The following MUC17 variants were observed in gnomAD, a reference collection of about 807,000 sequenced individuals.
MUC17 encodes the protein mucin 17, cell surface associated.
MUC17 carries 190 observed loss-of-function variants against 170.3 expected under a neutral mutation model. That is an observed-to-expected ratio of 1.12 (90% CI 0.99 to 1.26). The LOEUF (loss-of-function observed/expected upper bound fraction) is 1.26. Among genes scored for constraint, MUC17 ranks in the 50% most tolerant of loss-of-function variants. The pLI, the probability that MUC17 is intolerant of heterozygous loss-of-function variation, is 0.00. For synonymous variants in MUC17, 2,325 were observed against 2,002.5 expected, an observed-to-expected ratio of 1.16 and a Z score of -4.30; for missense variants, 6,415 against 5,530.0, an observed-to-expected ratio of 1.16 and a Z score of -5.08.
At position 101,058,761 on chromosome 7, in the gene MUC17, T is replaced by G. The variant is rs1238735119; in HGVS notation, c.*717T>G. ...GGTATATAAGATTGTGGGTATTTTT[T>G]AAGTTCTTATTGTTATGAGTTCTGA... On this transcript the variant is annotated 3_prime_UTR_variant, in exon 13 of 13. Coordinates refer to ENST00000306151, the MANE Select transcript of MUC17 (RefSeq NM_001040105.2). 1 of 152,196 alleles carries G rather than the reference T, an allele frequency of 6.6e-6. No individual in the cohort carries two copies. The highest frequency in any genetic ancestry group is 2.4e-5 in the African/African-American group (1 of 41,450). 9.4% of individuals were successfully genotyped at this position (152,196 alleles called of 1,614,324 possible).
chr7:101,051,786 C>A lies in MUC17; in HGVS notation c.12944-17C>A. ...CCTCTGATCACGGCTGTTCCCTGTCCCTGCACCCCCCACCAGAGGACTGCC... is the reference window on the plus strand; with the variant it reads ...CCTCTGATCACGGCTGTTCCCTGTCACTGCACCCCCCACCAGAGGACTGCC... On this transcript the variant is annotated splice_polypyrimidine_tract_variant and intron_variant, in intron 8 of 12. Coordinates refer to ENST00000306151, the MANE Select transcript of MUC17 (RefSeq NM_001040105.2). 1 of 1,611,440 alleles carries A rather than the reference C, an allele frequency of 6.2e-7. No individual in the cohort carries two copies. The highest frequency in any genetic ancestry group is 8.5e-7 in the Non-Finnish European group (1 of 1,178,124).
chr7:101,041,706 G>C lies in MUC17; in HGVS notation c.10290G>C (p.Val3430=). 6.2e-7 allele frequency: 1 copy of C among 1,609,120 alleles called. No homozygotes were observed. The highest frequency in any genetic ancestry group is 8.5e-7 in the Non-Finnish European group (1 of 1,178,654). Residue 3430 remains valine, a synonymous_variant, in exon 3 of 13, where the codon GTG becomes GTC. Transcript: ENST00000306151. Reference sequence around the variant, plus strand: ...CTCCTGTGGACTCCAACACTCTGGTGACCACTTCTACTGAAGCCAGTTCAT... The same window carrying C: ...CTCCTGTGGACTCCAACACTCTGGTCACCACTTCTACTGAAGCCAGTTCAT... ...STTPVDSNTL[V]TTSTEASSSP...
rs778086398 is a variant in MUC17, at chr7:101,042,378, A to C, written c.10962A>C (p.Thr3654=). Residue 3654 remains threonine (T), a synonymous_variant, in exon 3 of 13, where the codon ACA becomes ACC. Coordinates refer to ENST00000306151, the MANE Select transcript of MUC17 (RefSeq NM_001040105.2). ...TTSVTISEAG[T]ASTLPVDTST... is the part of the protein sequence containing the mutation. ...CGGTGACCATTTCTGAGGCTGGCAC[A>C]GCTTCAACACTTCCTGTTGACACCA... 1.2e-6 allele frequency: 2 copies of C among 1,613,400 alleles called. No homozygotes were observed. The highest frequency in any genetic ancestry group is 2.7e-5 in the African/African-American group (2 of 74,756).
Position 101,053,387 on chromosome 7 carries a change from TG to T in MUC17, c.13316del (p.Gly4439AspfsTer34), listed in dbSNP as rs756840018. 2.0e-5 allele frequency: 32 copies of T among 1,614,012 alleles called. No homozygotes were observed. The East Asian group carries it at 6.7e-4, about 34-fold the overall frequency. ...TATACAAGTGGCAAGAAGAGGACAG[TG>T]GACCAGCTCCTGGGACCTTCCAAAA... ...QLYKWQEEDS[G>X]PAPGTFQNIG... On this transcript the variant is annotated frameshift_variant, in exon 11 of 13. Transcript: ENST00000306151. LOFTEE classifies it high-confidence loss of function.
chr7:101,021,678 G>T (rs1794085057), intron 1 of MUC17, among the ~76,000 whole-genome samples: 2 of 152,054 alleles, frequency 1.3e-5, no homozygotes. Flanking sequence ...TGACTTCTCA[G>T]ACCCTGTTCC....
In MUC17 at chr7:101,043,399, G is replaced by T. The variant is rs373830565; in HGVS notation, c.11983G>T (p.Ala3995Ser). ...FSTTKEFTTP[A>S]MTTAAPLTYV... ...AACTACTAAGGAATTTACAACACCC[G>T]CAATGACTACTGCAGCTCCCCTCAC... The change falls in exon 3 of 13, where the codon GCA becomes TCA. Residue 3995 changes from alanine (A) to serine (S), a missense_variant. Coordinates refer to ENST00000306151, the MANE Select transcript of MUC17 (RefSeq NM_001040105.2). 3 of 1,613,888 alleles carry T rather than the reference G, an allele frequency of 1.9e-6. No homozygotes were observed. The highest frequency in any genetic ancestry group is 3.3e-5 in the Admixed American group (2 of 59,986).
chr7:101,031,429 G>A (rs1794276850), intron 2 of MUC17, among the ~76,000 whole-genome samples, 172 bp from the exon 3 acceptor site: 1 of 152,198 alleles, frequency 6.6e-6, no homozygotes, highest in Non-Finnish European at 1.5e-5. Context: ...CTGCATAGAA[G>A]GGAAGGCAGG....
Position 101,034,192 on chromosome 7 carries a change from T to C in MUC17, c.2776T>C (p.Leu926=), listed in dbSNP as rs750300750. Residue 926 remains leucine, a synonymous_variant, in exon 3 of 13, where the codon TTA becomes CTA. Coordinates refer to ENST00000306151, the MANE Select transcript of MUC17 (RefSeq NM_001040105.2). ...TSTPGEGSTP[L]TSMPDSTTPV... ...AACTCCTGGGGAAGGAAGCACTCCA[T>C]TAACAAGTATGCCTGACAGCACCAC... 1.3e-6 allele frequency: 2 copies of C among 1,586,106 alleles called. No homozygotes were observed.
In MUC17 at chr7:101,031,728, T is replaced by A. The variant is rs758721555; in HGVS notation, c.312T>A (p.Gly104=). Residue 104 remains glycine (G), a synonymous_variant, in exon 3 of 13, where the codon GGT becomes GGA. Coordinates refer to ENST00000306151, the MANE Select transcript of MUC17 (RefSeq NM_001040105.2). Reference sequence around the variant, plus strand: ...CCAGTGTGACTTCAGACACTCCTGGTGTCTCCAGTACCAGGATGACACCAA... The same window carrying A: ...CCAGTGTGACTTCAGACACTCCTGGAGTCTCCAGTACCAGGATGACACCAA... ...IESSVTSDTP[G]VSSTRMTPTE... The A allele has an allele frequency of 1.7e-5, 27 of 1,611,376 alleles. No individual in the cohort carries two copies. Among genetic ancestry groups the A allele is most frequent in the Non-Finnish European group, 2.2e-5 (26 of 1,177,490 alleles).
In MUC17 at chr7:101,036,840, T is replaced by A. The variant is rs1241758153; in HGVS notation, c.5424T>A (p.Thr1808=). The A allele has an allele frequency of 6.2e-7, 1 of 1,605,408 alleles. No homozygotes were observed. Among genetic ancestry groups the A allele is most frequent in the East Asian group, 2.3e-5 (1 of 44,304 alleles). The part of the protein sequence containing the change: ...IPTSTLSEGM[T]PLTSTPVSHT... ...CCTCGACTCTTAGTGAAGGAATGAC[T>A]CCATTAACAAGCACACCTGTCAGCC... The change falls in exon 3 of 13, where the codon ACT becomes ACA. Residue 1808 remains threonine (T), a synonymous_variant. Coordinates refer to ENST00000306151, the MANE Select transcript of MUC17 (RefSeq NM_001040105.2).
rs761214155 is a variant in MUC17 at position 101,036,284 on chromosome 7, T to A, written c.4868T>A (p.Ile1623Asn). The A allele has an allele frequency of 5.0e-6, 8 of 1,611,674 alleles. No homozygotes were observed. The African/African-American group carries it at 1.1e-4, about 22-fold the overall frequency. Reference protein sequence around the residue: ...STTAEGSSMTISTPSEGSPLL... With the variant: ...STTAEGSSMTNSTPSEGSPLL... ...ACCGCTGAAGGTAGCAGCATGACAA[T>A]CTCAACTCCTAGTGAAGGAAGTCCT... Residue 1623 changes from isoleucine (I) to asparagine (N), a missense_variant, in exon 3 of 13, where the codon ATC becomes AAC. Transcript: ENST00000306151.
chr7:101,031,771 T>C lies in MUC17; in HGVS notation c.355T>C (p.Ser119Pro), dbSNP rs375199666. Reference protein sequence around the residue: ...RMTPTESRTTSESTSDSTTLF... With the variant: ...RMTPTESRTTPESTSDSTTLF... ...GACACCAACAGAATCCAGAACAACTTCAGAATCTACCAGTGACAGCACCAC... is the reference window on the plus strand; with the variant it reads ...GACACCAACAGAATCCAGAACAACTCCAGAATCTACCAGTGACAGCACCAC... Residue 119 changes from serine to proline, a missense_variant, in exon 3 of 13, where the codon TCA becomes CCA. Coordinates refer to ENST00000306151, the MANE Select transcript of MUC17 (RefSeq NM_001040105.2). 3 of 1,608,058 alleles carry C rather than the reference T, an allele frequency of 1.9e-6. No homozygotes were observed. The African/African-American group carries it at 4.0e-5, about 22-fold the overall frequency.
rs752155885 is a variant in MUC17, at chr7:101,036,745, A to G, written c.5329A>G (p.Ser1777Gly). The change falls in exon 3 of 13, where the codon AGC becomes GGC. Residue 1777 changes from serine to glycine, a missense_variant. Coordinates refer to ENST00000306151, the MANE Select transcript of MUC17 (RefSeq NM_001040105.2). ...STLSATPIDT[S>G]TPVTTSTEAT... ...CCTTTCAGCAACTCCTATTGACACC[A>G]GCACCCCTGTGACCACTTCTACTGA... 5.0e-6 allele frequency: 8 copies of G among 1,612,374 alleles called. No individual in the cohort carries two copies. In the Admixed American group the frequency reaches 1.3e-4, roughly 27 times the overall value.
intron 11 of MUC17, among the ~76,000 whole-genome samples, chr7:101,055,403 C>T (rs1339022550): frequency 6.6e-6 from 1 of 151,788 alleles, no homozygotes; most frequent in Non-Finnish European, 1.5e-5. Context: ...TCATTGCAGG[C>T]ACATAAACTT....
Position 101,032,067 on chromosome 7 carries a change from A to C in MUC17, c.651A>C (p.Pro217=). ...CAACTAACAGTGAAGGAAGCACTCC[A>C]TTAACAAGTATGCCTGCCAGCACCA... The part of the protein sequence containing the change: ...PKSTNSEGST[P]LTSMPASTMK... The change falls in exon 3 of 13, where the codon CCA becomes CCC. Residue 217 remains proline (P), a synonymous_variant. Transcript: ENST00000306151. The C allele has an allele frequency of 6.2e-7, 1 of 1,614,206 alleles. No homozygotes were observed. Among genetic ancestry groups the C allele is most frequent in the Non-Finnish European group, 8.5e-7 (1 of 1,180,024 alleles).
Position 101,042,057 on chromosome 7 carries a change from T to C in MUC17, c.10641T>C (p.Phe3547=), listed in dbSNP as rs540104553. 1,059 of 1,613,810 alleles carry C rather than the reference T, an allele frequency of 6.6e-4. 21 individuals are homozygous for C. In the South Asian group the frequency reaches 0.011, roughly 17 times the overall value. The change falls in exon 3 of 13, where the codon TTT becomes TTC. Residue 3547 remains phenylalanine (F), a synonymous_variant. Transcript: ENST00000306151. ...CAACTCCTGTTGACTCCAACACTTT[T>C]GTTACCAGTTCTAGTCAAGCCAGTT... ...LSTTPVDSNT[F]VTSSSQASSS...
chr7:101,027,716 T>A (rs1407161032), intron 1 of MUC17, among the ~76,000 whole-genome samples: 2 of 152,166 alleles, frequency 1.3e-5, no homozygotes, highest in Non-Finnish European at 2.9e-5. Flanking sequence ...CTTTAGGGAC[T>A]CCTATATATT....
rs1418384007 is a variant in MUC17 at position 101,041,406 on chromosome 7, G to A, written c.9990G>A (p.Met3330Ile). 1 of 1,613,392 alleles carries A rather than the reference G, an allele frequency of 6.2e-7. No individual in the cohort carries two copies. Among genetic ancestry groups the A allele is most frequent in the Admixed American group, 1.7e-5 (1 of 59,986 alleles). The change falls in exon 3 of 13, where the codon ATG (methionine) becomes ATA (isoleucine). Residue 3330 changes from methionine (M) to isoleucine (I), a missense_variant. Physicochemically the swap from Met to Ile is conservative, Grantham distance 10. Transcript: ENST00000306151. ...SSPPIADGTS[M>I]PTSTYSEGST... ...CTCCAATTGCTGACGGTACTAGCAT[G>A]CCAACCTCAACTTATAGTGAAGGAA...
In MUC17 at chr7:101,043,641, A is replaced by G. The variant is rs1794777408; in HGVS notation, c.12225A>G (p.Pro4075=). The change falls in exon 3 of 13, where the codon CCA becomes CCG. Residue 4075 remains proline, a synonymous_variant. Coordinates refer to ENST00000306151, the MANE Select transcript of MUC17 (RefSeq NM_001040105.2). ...TFPPAHSSTP[P]TTSASSTTVN... is the part of the protein sequence containing the mutation. The stretch of plus-strand genomic sequence containing the variant: ...CTCCTGCTCACTCCAGTACACCTCC[A>G]ACAACCTCTGCCTCCTCCACGACTG... The G allele has an allele frequency of 6.2e-7, 1 of 1,614,058 alleles. No homozygotes were observed. Among genetic ancestry groups the G allele is most frequent in the Non-Finnish European group, 8.5e-7 (1 of 1,179,994 alleles).
Sources: gnomAD v4.1 joint callset for allele counts (sites outside exome capture counted in the v4.1 genomes callset) on GRCh38, gnomAD v4.1.1 for gene constraint, MANE v1.5 for transcripts, NCBI Gene and HGNC (gene_info 2026-07-23, HGNC 2026-07-21) for gene names.